STARD13: variants seen among roughly 807,000 people sequenced by gnomAD.
The protein encoded by STARD13 is StAR related lipid transfer domain containing 13.
Under a neutral mutation model 106.4 loss-of-function variants are expected in STARD13, and 62 were observed. The observed-to-expected ratio is 0.58, with a 90% CI of 0.48 to 0.72. The LOEUF is 0.72. Among genes scored for constraint, STARD13 ranks in the 30% least tolerant of loss-of-function variants. STARD13 has a pLI of 0.00. For synonymous variants in STARD13, 565 were observed against 553.0 expected (o/e 1.02, Z -0.31); for missense variants, 1,387 against 1,424.0 (o/e 0.97, Z 0.42).
At chr13:33,156,547 T>C (rs986619248) in intron 3 of STARD13, among the ~76,000 whole-genome samples, 2 of 152,202 alleles carry the variant, frequency 1.3e-5, no homozygotes, top group African/African-American at 4.8e-5. Context: ...AACAAGCCCA[T>C]CCAAATGTCA....
At chr13:33,242,035 C>T (rs556298457) in intron 1 of STARD13, among the ~76,000 whole-genome samples, 19 of 152,006 alleles carry the variant, frequency 1.2e-4, no homozygotes, top group South Asian at 8.3e-4. Flanking sequence ...TCTGCCCCGC[C>T]GCCCCATCTG....
the STARD13 span, among the ~76,000 whole-genome samples, chr13:33,499,510 T>TCTTC: frequency 4.0e-5 from 2 of 50,546 alleles, 1 homozygote; most frequent in African/African-American, 5.0e-4. Flanking sequence ...TTCTTCTTCT[T>TCTTC]CTTCTTTCTT....
chr13:33,613,731 T>C, the STARD13 span, among the ~76,000 whole-genome samples: 2 of 152,174 alleles, frequency 1.3e-5, no homozygotes, highest in Non-Finnish European at 2.9e-5. Flanking sequence ...ATAAAGTGAT[T>C]TCAGTGGACG....
chr13:33,246,967 C>A (rs534171331), intron 1 of STARD13, among the ~76,000 whole-genome samples: 1 of 152,180 alleles, frequency 6.6e-6, no homozygotes, highest in Non-Finnish European at 1.5e-5. Flanking sequence ...GAGGCCGAGG[C>A]AGGTGGGTCG....
chr13:33,517,079 GT>G, the STARD13 span, among the ~76,000 whole-genome samples: 1 of 152,002 alleles, frequency 6.6e-6, no homozygotes, highest in Non-Finnish European at 1.5e-5. Context: ...AATTATACCT[GT>G]TCCTTTTACT....
At chr13:33,354,310 C>T (rs73163919), upstream of STARD13, among the ~76,000 whole-genome samples, 1,343 of 152,272 alleles carry the variant, frequency 8.8e-3, 9 homozygotes, top group Non-Finnish European at 0.015. Flanking sequence ...ATGCCCTTAC[C>T]CTAATTTTTT....
the STARD13 span, among the ~76,000 whole-genome samples, chr13:33,411,090 C>G: frequency 6.6e-6 from 1 of 152,166 alleles, no homozygotes; most frequent in Non-Finnish European, 1.5e-5. Flanking sequence ...ACATTTCTGA[C>G]TTGTAATATT....
chr13:33,232,317 A>T (rs1403283192), intron 1 of STARD13, among the ~76,000 whole-genome samples: 3 of 152,228 alleles, frequency 2.0e-5, no homozygotes, highest in African/African-American at 7.2e-5. Context: ...TGTCTTCAAA[A>T]TTAAATAAAT....
At chr13:33,123,055 CAAAAAAAAAAA>C (rs71071079) in intron 7 of STARD13, among the ~76,000 whole-genome samples, 4 of 45,842 alleles carry the variant, frequency 8.7e-5, no homozygotes, top group Non-Finnish European at 1.1e-4. Flanking sequence ...GACTCCATCT[CAAAAAAAAAAA>C]AAAAAAAAAA....
the STARD13 span, chr13:33,659,795 T>TA: frequency 1.3e-5 from 2 of 152,278 alleles, no homozygotes; most frequent in African/African-American, 4.8e-5. Flanking sequence ...TCCAAGAAAA[T>TA]GACATCCTGA....
the STARD13 span, among the ~76,000 whole-genome samples, chr13:33,559,880 G>T: frequency 6.6e-5 from 10 of 151,406 alleles, no homozygotes; most frequent in Non-Finnish European, 1.2e-4. Flanking sequence ...AGACACTAGA[G>T]CTTCTTCTCT....
chr13:33,207,671 C>T (rs1412619161), intron 1 of STARD13, among the ~76,000 whole-genome samples: 1 of 152,236 alleles, frequency 6.6e-6, no homozygotes, highest in African/African-American at 2.4e-5. Context: ...ATGAGAACGT[C>T]ATTCTGTGAC....
At chr13:33,135,898 A>G (rs665056) in intron 4 of STARD13, among the ~76,000 whole-genome samples, 49,408 of 151,858 alleles carry the variant, frequency 0.33, 8,704 homozygotes, top group Non-Finnish European at 0.41. Flanking sequence ...CGAGGCGAAC[A>G]GATCACCTGA....
Position 33,239,882 on chromosome 13 carries a change from G to A in STARD13, c.169+45588C>T, listed in dbSNP as rs558730002. Among the ~76,000 whole-genome samples, 194 of 152,130 alleles carry A rather than the reference G, an allele frequency of 1.3e-3. 2 individuals carry two copies. The highest frequency in any genetic ancestry group is 4.5e-3 in the African/African-American group (187 of 41,524). ...CTTGACAGTTTCCTTTGCTGTGTAG[G>A]AGTTTTTAAGTTTGATGTAGTCCCA... On this transcript the variant is annotated intron_variant, in intron 1 of 13. Transcript: ENST00000336934.
the STARD13 span, among the ~76,000 whole-genome samples, chr13:33,543,353 A>C: frequency 6.6e-6 from 1 of 152,194 alleles, no homozygotes; most frequent in African/African-American, 2.4e-5. Context: ...AGGCCATGGA[A>C]GTTTCAGAAA....
intron 1 of STARD13, among the ~76,000 whole-genome samples, chr13:33,246,244 GTGACT>G (rs1211779734): frequency 6.6e-6 from 1 of 152,166 alleles, no homozygotes; most frequent in Non-Finnish European, 1.5e-5. Context: ...GTAAGGAGAA[GTGACT>G]TAAGATGAAT....
chr13:33,672,952 C>G, the STARD13 span, among the ~76,000 whole-genome samples: 3 of 152,154 alleles, frequency 2.0e-5, no homozygotes, highest in African/African-American at 7.2e-5. Context: ...CAAGCCATTC[C>G]TTTAATAATC....
the STARD13 span, among the ~76,000 whole-genome samples, chr13:33,447,119 A>T: frequency 2.0e-5 from 3 of 152,210 alleles, no homozygotes; most frequent in Non-Finnish European, 4.4e-5. Context: ...TTCTGGATCC[A>T]GTTTAGTTAA....
chr13:33,205,926 T>C, intron 1 of STARD13: 1 of 985,446 alleles, frequency 1.0e-6, no homozygotes, highest in Non-Finnish European at 1.2e-6. Context: ...AACTGACAGA[T>C]GGTGCATCTG....
Sources: allele counts gnomAD v4.1 joint callset (sites outside exome capture counted in the v4.1 genomes callset), GRCh38; gene constraint gnomAD v4.1.1; transcripts MANE v1.5; gene names NCBI Gene and HGNC (gene_info 2026-07-23, HGNC 2026-07-21).